The following DARS2 variants were observed in gnomAD, a reference collection of about 807,000 sequenced individuals.
DARS2 encodes the protein aspartyl-tRNA synthetase 2, mitochondrial.
Under a neutral mutation model 83.0 loss-of-function variants are expected in DARS2, and 63 were observed. The observed-to-expected ratio is 0.76, with a 90% confidence interval of 0.62 to 0.94. The LOEUF (loss-of-function observed/expected upper bound fraction) is 0.94. Ranked by LOEUF, DARS2 falls within the 40% of genes least tolerant of loss-of-function variation. DARS2 has a pLI of 0.00. For synonymous variants in DARS2, 250 were observed against 269.3 expected (o/e 0.93, Z 0.70); for missense variants, 675 against 774.4 (o/e 0.87, Z 1.52).
intron 11 of DARS2, among the ~76,000 whole-genome samples, chr1:173,844,508 A>G (rs1261271184): frequency 6.6e-6 from 1 of 151,318 alleles, no homozygotes; most frequent in Non-Finnish European, 1.5e-5. Flanking sequence ...CATCCCTACT[A>G]AAAATACAAA....
chr1:173,837,272 TAA>T (rs372381381), intron 8 of DARS2, among the ~76,000 whole-genome samples: 59 of 135,348 alleles, frequency 4.4e-4, no homozygotes, highest in Admixed American at 9.0e-4. Context: ...AGAGGGGATT[TAA>T]AAAAAAAAAA....
chr1:173,845,289 C>T lies in DARS2; in HGVS notation c.1189C>T (p.Gln397Ter). The T allele has an allele frequency of 6.2e-7, 1 of 1,607,752 alleles. No homozygotes were observed. ...IRNFAADHFN[Q>*]EILPVFLNAN... ...AAACTTTGCAGCTGACCATTTTAAT[C>T]AGGTAAGGAGTTAATTAGAGCAGTT... Residue 397 changes from glutamine (Q) to a stop codon, truncating the protein, a stop_gained and splice_region_variant, in exon 12 of 17, where the codon CAG (glutamine) becomes TAG (stop). Transcript: ENST00000649689. LOFTEE classifies it high-confidence loss of function.
intron 5 of DARS2, among the ~76,000 whole-genome samples, chr1:173,831,893 G>C (rs1652809107): frequency 6.6e-6 from 1 of 152,170 alleles, no homozygotes; most frequent in South Asian, 2.1e-4. Flanking sequence ...TTTAAAACTT[G>C]AGGTGTTATA....
chr1:173,849,366 TCTA>T (rs1653560373), intron 12 of DARS2, among the ~76,000 whole-genome samples: 1 of 151,768 alleles, frequency 6.6e-6, no homozygotes. Flanking sequence ...AAACCCCGTC[TCTA>T]CTAAAAATAC....
At chr1:173,849,372 A>G (rs1019858616) in intron 12 of DARS2, among the ~76,000 whole-genome samples, 1 of 151,890 alleles carries the variant, frequency 6.6e-6, no homozygotes, top group African/African-American at 2.4e-5. Context: ...CGTCTCTACT[A>G]AAAATACAAA....
chr1:173,853,793 A>G lies in DARS2; in HGVS notation c.1564-2A>G, dbSNP rs1399611487. 6.2e-7 allele frequency: 1 copy of G among 1,612,808 alleles called. No individual in the cohort carries two copies. On this transcript the variant is annotated splice_acceptor_variant, in intron 14 of 16. Coordinates refer to ENST00000649689, the MANE Select transcript of DARS2 (RefSeq NM_018122.5). LOFTEE classifies it high-confidence loss of function. Reference sequence around the variant, plus strand: ...AACATAAAGTATCTGTGAATCTTCTAGGCCCGTAGCCAACACTATGACTTG... The same window carrying G: ...AACATAAAGTATCTGTGAATCTTCTGGGCCCGTAGCCAACACTATGACTTG...
At chr1:173,828,236 T>G (rs1652658990) in intron 2 of DARS2, 97 bp from the exon 3 acceptor site, 13 of 1,187,196 alleles carry the variant, frequency 1.1e-5, no homozygotes, top group Non-Finnish European at 1.6e-5. Flanking sequence ...CATGAAAAAT[T>G]GCATGGATTT....
At chr1:173,834,724 G>GTTTTTTTTTTT (rs1203102003) in intron 7 of DARS2, among the ~76,000 whole-genome samples, 19 of 14,802 alleles carry the variant, frequency 1.3e-3, no homozygotes, top group African/African-American at 4.3e-3. Flanking sequence ...TTTCCTTTGA[G>GTTTTTTTTTTT]TTTTTTTGTT....
rs771329506 is a variant in DARS2 at position 173,853,798 on chromosome 1, C to T, written c.1567C>T (p.Arg523Cys). Residue 523 changes from arginine to cysteine, a missense_variant, in exon 15 of 17, where the codon CGT (arginine) becomes TGT (cysteine). Transcript: ENST00000649689. ...HLLYTEPKKA[R>C]SQHYDLVLNG... is the part of the protein sequence containing the mutation. The stretch of plus-strand genomic sequence containing the variant: ...AAAGTATCTGTGAATCTTCTAGGCC[C>T]GTAGCCAACACTATGACTTGGTTTT... 9.9e-6 allele frequency: 16 copies of T among 1,613,404 alleles called. No homozygotes were observed. The highest frequency in any genetic ancestry group is 5.0e-5 in the Admixed American group (3 of 59,984).
intron 12 of DARS2, among the ~76,000 whole-genome samples, chr1:173,847,387 T>C (rs1653477029): frequency 6.6e-6 from 1 of 152,172 alleles, no homozygotes; most frequent in East Asian, 1.9e-4. Context: ...GCCTGAAGGT[T>C]AACTTTGGCA....
chr1:173,841,038 T>C, intron 11 of DARS2, 65 bp downstream of exon 11: 1 of 992,146 alleles, frequency 1.0e-6, no homozygotes, highest in Non-Finnish European at 1.6e-6. Flanking sequence ...TGTCCAATAC[T>C]GTCATATTTA....
chr1:173,848,983 TTCTTCAAC>T (rs1462497561), intron 12 of DARS2, among the ~76,000 whole-genome samples: 1 of 152,114 alleles, frequency 6.6e-6, no homozygotes, highest in Non-Finnish European at 1.5e-5. Flanking sequence ...TCCTGGGGAT[TTCTTCAAC>T]TCTTCTGTTG....
At chr1:173,839,665 A>G in intron 10 of DARS2, 119 bp downstream of exon 10, 1 of 929,066 alleles carries the variant, frequency 1.1e-6, no homozygotes, top group Non-Finnish European at 1.7e-6. Flanking sequence ...TTACCTTGTT[A>G]CCTTCGTTGT....
chr1:173,843,756 G>A (rs1653319079), intron 11 of DARS2, among the ~76,000 whole-genome samples: 1 of 152,214 alleles, frequency 6.6e-6, no homozygotes, highest in African/African-American at 2.4e-5. Context: ...CTTGGGAGAA[G>A]CTGGTTTGAC....
Position 173,857,502 on chromosome 1 carries a change from T to C in DARS2, c.1751-16T>C. The C allele has an allele frequency of 6.2e-7, 1 of 1,611,424 alleles. No homozygotes were observed. Among genetic ancestry groups the C allele is most frequent in the Non-Finnish European group, 8.5e-7 (1 of 1,177,526 alleles). On this transcript the variant is annotated splice_polypyrimidine_tract_variant and intron_variant, in intron 16 of 16. Coordinates refer to ENST00000649689, the MANE Select transcript of DARS2 (RefSeq NM_018122.5). Reference sequence around the variant, plus strand: ...GATTACATTTCTCATCTGTTATCTTTGTATTTTACTCACAGGGTTAGACAG... The same window carrying C: ...GATTACATTTCTCATCTGTTATCTTCGTATTTTACTCACAGGGTTAGACAG...
intron 9 of DARS2, among the ~76,000 whole-genome samples, chr1:173,838,985 T>C (rs923363611): frequency 6.6e-6 from 1 of 152,180 alleles, no homozygotes; most frequent in Non-Finnish European, 1.5e-5. Flanking sequence ...TCCACCCGCC[T>C]CGGCCTCCCA....
At position 173,858,494 on chromosome 1, in the gene DARS2, G is replaced by T; in HGVS notation, c.*789G>T. 1 of 151,708 alleles carries T rather than the reference G, an allele frequency of 6.6e-6. No individual in the cohort carries two copies. Among genetic ancestry groups the T allele is most frequent in the East Asian group, 1.9e-4 (1 of 5,196 alleles). The allele number at this position is 151,708 out of a possible 1,614,324, so 9.4% of individuals were successfully genotyped here. A position where few individuals can be genotyped will look rare whatever the true frequency, so the allele number is the denominator to read the frequency against. On this transcript the variant is annotated 3_prime_UTR_variant, in exon 17 of 17. Coordinates refer to ENST00000649689, the MANE Select transcript of DARS2 (RefSeq NM_018122.5). The stretch of plus-strand genomic sequence containing the variant: ...TAGGTAGATATATCTCTATTTTATA[G>T]TTTCAGATTAAACAAAACTGATATC...
chr1:173,830,768 A>G lies in DARS2; in HGVS notation c.396+7A>G. On this transcript the variant is annotated splice_region_variant and intron_variant, in intron 4 of 16. Transcript: ENST00000649689. ...TGCAGGACAAGAGAATCCAGTAGGT[A>G]GTTTCGAAGATATCTGTGTAATTTT... The G allele has an allele frequency of 1.2e-6, 2 of 1,609,710 alleles. No individual in the cohort carries two copies. Among genetic ancestry groups the G allele is most frequent in the Non-Finnish European group, 1.7e-6 (2 of 1,175,992 alleles).
chr1:173,854,243 C>CT (rs1433747808), intron 15 of DARS2, among the ~76,000 whole-genome samples: 1 of 152,144 alleles, frequency 6.6e-6, no homozygotes, highest in Admixed American at 6.6e-5. Flanking sequence ...TCCCAAAGTG[C>CT]TGGGATTATA....
Sources: gnomAD v4.1 joint callset for allele counts (sites outside exome capture counted in the v4.1 genomes callset) on GRCh38, gnomAD v4.1.1 for gene constraint, MANE v1.5 for transcripts, NCBI Gene and HGNC (gene_info 2026-07-23, HGNC 2026-07-21) for gene names.